NEDD4L: variants seen among roughly 807,000 people sequenced by gnomAD.
The protein encoded by NEDD4L is E3 ubiquitin-protein ligase NEDD4-like.
In NEDD4L, 54 loss-of-function variants were observed where a neutral mutation model predicts 148.9. The observed-to-expected ratio is 0.36, with a 90% CI of 0.29 to 0.45. The LOEUF (loss-of-function observed/expected upper bound fraction) is 0.45. Among genes scored for constraint, NEDD4L ranks in the 20% least tolerant of loss-of-function variants. The probability of loss-of-function intolerance (pLI) is 1.00; values close to 1 mark genes in which losing one functional copy is unlikely to be tolerated. For synonymous variants in NEDD4L, 433 were observed against 440.7 expected, an observed-to-expected ratio of 0.98 and a Z score of 0.22; for missense variants, 856 against 1,233.8, an observed-to-expected ratio of 0.69 and a Z score of 4.59.
chr18:58,214,283 T>G (rs930693542), intron 2 of NEDD4L, among the ~76,000 whole-genome samples: 5 of 152,196 alleles, frequency 3.3e-5, no homozygotes, highest in African/African-American at 1.2e-4. Context: ...GTCCCCTGGT[T>G]TTGTTTTTCT....
chr18:58,144,135 A>G (rs1023862580), intron 1 of NEDD4L, among the ~76,000 whole-genome samples: 2 of 151,902 alleles, frequency 1.3e-5, no homozygotes, highest in African/African-American at 2.4e-5. Flanking sequence ...AAAAAGTCCA[A>G]TTTAGTCCAT....
intron 24 of NEDD4L, among the ~76,000 whole-genome samples, chr18:58,374,125 G>C (rs1208624122): frequency 1.3e-5 from 2 of 152,176 alleles, no homozygotes; most frequent in Non-Finnish European, 2.9e-5. Context: ...GTTCTTTATT[G>C]CTAGATGTCA....
At chr18:58,238,239 C>T (rs766968084) in intron 2 of NEDD4L, among the ~76,000 whole-genome samples, 3 of 152,010 alleles carry the variant, frequency 2.0e-5, no homozygotes, top group African/African-American at 4.8e-5. Flanking sequence ...AAGATATGTA[C>T]GTTTTGTTTT....
At chr18:58,362,810 A>T (rs533060652) in intron 19 of NEDD4L, among the ~76,000 whole-genome samples, 25 of 152,224 alleles carry the variant, frequency 1.6e-4, no homozygotes, top group African/African-American at 6.0e-4. Flanking sequence ...TTGTGACGGG[A>T]TGTACTGTTG....
At chr18:58,215,320 T>A (rs1046105105) in intron 2 of NEDD4L, among the ~76,000 whole-genome samples, 2 of 152,208 alleles carry the variant, frequency 1.3e-5, no homozygotes, top group African/African-American at 4.8e-5. Flanking sequence ...TATCAGTCTT[T>A]TCATCTTCGA....
At chr18:58,271,917 A>G (rs139254252) in intron 5 of NEDD4L, among the ~76,000 whole-genome samples, 74 of 152,348 alleles carry the variant, frequency 4.9e-4, no homozygotes, top group Admixed American at 1.0e-3. Flanking sequence ...TTAATAAAGT[A>G]TGTGTAAAGA....
intron 5 of NEDD4L, among the ~76,000 whole-genome samples, chr18:58,309,218 G>A (rs1402905066): frequency 6.6e-6 from 1 of 152,140 alleles, no homozygotes; most frequent in African/African-American, 2.4e-5. Context: ...CTCATCAGTG[G>A]CATGGACCTT....
intron 12 of NEDD4L, 101 bp from the exon 13 acceptor site, chr18:58,335,377 C>A (rs1254444125): frequency 1.5e-5 from 14 of 938,698 alleles, no homozygotes; most frequent in Non-Finnish European, 2.2e-5. Flanking sequence ...TCTGATCTCA[C>A]GTCACCTGCC....
intron 5 of NEDD4L, among the ~76,000 whole-genome samples, chr18:58,271,634 A>G (rs1470901976): frequency 1.3e-5 from 2 of 152,224 alleles, no homozygotes; most frequent in Non-Finnish European, 2.9e-5. Flanking sequence ...TAGATTATAA[A>G]TTAACGAAAA....
intron 1 of NEDD4L, among the ~76,000 whole-genome samples, chr18:58,075,499 G>C (rs2083111101): frequency 6.6e-6 from 1 of 152,094 alleles, no homozygotes; most frequent in African/African-American, 2.4e-5. Flanking sequence ...ACCCAAGCTG[G>C]AGTGCAGTGG....
chr18:58,342,415 C>T lies in NEDD4L; in HGVS notation c.1378-491C>T, dbSNP rs150557985. 1.7e-3 allele frequency among the ~76,000 whole-genome samples: 266 copies of T among 152,330 alleles called. 3 individuals carry two copies. Among genetic ancestry groups the T allele is most frequent in the African/African-American group, 5.9e-3 (244 of 41,566 alleles). On this transcript the variant is annotated intron_variant, in intron 15 of 30. Transcript: ENST00000400345. ...TTAGAGACAGCTGTGGGCTTCTCCA[C>T]GCCCTGGGTCCAGATGCTGATAAGT...
intron 5 of NEDD4L, among the ~76,000 whole-genome samples, chr18:58,279,512 A>G (rs1289918655): frequency 6.6e-6 from 1 of 152,222 alleles, no homozygotes; most frequent in Admixed American, 6.5e-5. Flanking sequence ...GAATAGGCCC[A>G]TGTTAGAAAT....
chr18:58,056,910 T>TTTTTG (rs747723266), intron 1 of NEDD4L, among the ~76,000 whole-genome samples: 8 of 145,810 alleles, frequency 5.5e-5, no homozygotes, highest in African/African-American at 2.0e-4. Flanking sequence ...TTTTTTTTTT[T>TTTTTG]GTTTGTTTGT....
chr18:58,149,098 T>G (rs1052937779), intron 1 of NEDD4L, among the ~76,000 whole-genome samples: 1 of 152,174 alleles, frequency 6.6e-6, no homozygotes, highest in Admixed American at 6.5e-5. Flanking sequence ...AGCTTTTGCG[T>G]GGGGAAAACA....
At chr18:58,264,723 A>C (rs976235511) in intron 5 of NEDD4L, among the ~76,000 whole-genome samples, 2 of 152,032 alleles carry the variant, frequency 1.3e-5, no homozygotes, top group African/African-American at 4.8e-5. Context: ...GTAACTTCTT[A>C]TTAACTGTCG....
intron 5 of NEDD4L, among the ~76,000 whole-genome samples, chr18:58,267,896 G>C (rs2050448323): frequency 6.6e-6 from 1 of 152,056 alleles, no homozygotes; most frequent in Non-Finnish European, 1.5e-5. Flanking sequence ...CACCCCCATA[G>C]AGAGGCAGGC....
rs549184102 is a variant in NEDD4L, at chr18:58,151,256, A to C, written c.49-14532A>C. Among the ~76,000 whole-genome samples the C allele has an allele frequency of 2.5e-4, 38 of 152,300 alleles. No individual in the cohort carries two copies. In the South Asian group the frequency reaches 7.9e-3, roughly 32 times the overall value. ...CTGCCACAGACGGACCATGCATGGG[A>C]AGAAACTATTTGAGAATGGCTCTCC... On this transcript the variant is annotated intron_variant, in intron 1 of 30. Coordinates refer to ENST00000400345, the MANE Select transcript of NEDD4L (RefSeq NM_001144967.3).
At chr18:58,278,652 C>T (rs892568439) in intron 5 of NEDD4L, among the ~76,000 whole-genome samples, 7 of 152,258 alleles carry the variant, frequency 4.6e-5, no homozygotes, top group African/African-American at 1.7e-4. Context: ...CCCCTGTGTG[C>T]AGGAGCCTTC....
chr18:58,206,305 A>G (rs908027217), intron 2 of NEDD4L, among the ~76,000 whole-genome samples: 1 of 152,070 alleles, frequency 6.6e-6, no homozygotes, highest in Non-Finnish European at 1.5e-5. Flanking sequence ...AGGAGAATCT[A>G]TTGAACCCAG....
Sources: gnomAD v4.1 joint callset for allele counts (sites outside exome capture counted in the v4.1 genomes callset) on GRCh38, gnomAD v4.1.1 for gene constraint, MANE v1.5 for transcripts, NCBI Gene and HGNC (gene_info 2026-07-23, HGNC 2026-07-21) for gene names.